Variants in ZFHX3 observed in about 807,000 individuals in gnomAD.
The protein encoded by ZFHX3 is zinc finger homeobox protein 3.
A neutral mutation model predicts 279.1 loss-of-function variants in ZFHX3; 42 were observed. The ratio of observed to expected loss-of-function variants is 0.15; its 90% CI spans 0.12 to 0.19. The LOEUF is 0.19. ZFHX3 is among the 10% of genes least tolerant of loss of function. The pLI, the probability that ZFHX3 is intolerant of heterozygous loss-of-function variation, is 1.00. For synonymous variants in ZFHX3, 2,293 were observed against 1,957.8 expected (o/e 1.17, Z -4.52); for missense variants, 4,981 against 4,754.0 (o/e 1.05, Z -1.40).
At chr16:73,269,152 C>T (rs181866385) in intron 4 of ZFHX3, among the ~76,000 whole-genome samples, 372 of 152,212 alleles carry the variant, frequency 2.4e-3, no homozygotes, top group African/African-American at 8.5e-3. Flanking sequence ...TGTGCTTTTT[C>T]CTTTTAAAGT....
At chr16:72,842,017 G>A (rs1193746055) in intron 4 of ZFHX3, among the ~76,000 whole-genome samples, 1 of 152,178 alleles carries the variant, frequency 6.6e-6, no homozygotes, top group Admixed American at 6.5e-5. Context: ...GTGACAAAGA[G>A]TTGGTACTTG....
chr16:73,509,521 CT>C lies in ZFHX3; in HGVS notation c.-1546-53264del, dbSNP rs531436437. Among the ~76,000 whole-genome samples the C allele has an allele frequency of 3.7e-3, 380 of 102,968 alleles. 2 individuals carry two copies. Among genetic ancestry groups the C allele is most frequent in the South Asian group, 0.035 (94 of 2,648 alleles). The allele number at this position is 102,968 out of a possible 152,430, so 67.6% of individuals were successfully genotyped here. A position where few individuals can be genotyped will look rare whatever the true frequency, so the allele number is the denominator to read the frequency against. On this transcript the variant is annotated intron_variant, in intron 2 of 17. Transcript: ENST00000641206. ...GACAGTTTAGCTTTCTTTCCCTCTC[CT>C]TTTTTTTTTTTTTTTTTTTTTTGAG...
chr16:73,861,816 G>A (rs1394270242), intron 1 of ZFHX3, among the ~76,000 whole-genome samples: 4 of 152,136 alleles, frequency 2.6e-5, no homozygotes. Flanking sequence ...TTGGTTCTCT[G>A]TACCTTTTTC....
intron 1 of ZFHX3, among the ~76,000 whole-genome samples, chr16:73,835,409 C>T (rs963790180): frequency 6.6e-6 from 1 of 151,396 alleles, no homozygotes; most frequent in Non-Finnish European, 1.5e-5. Context: ...CCCACCTTTC[C>T]CCACCATCCC....
chr16:73,776,706 T>G (rs1373591829), intron 1 of ZFHX3, among the ~76,000 whole-genome samples: 1 of 152,152 alleles, frequency 6.6e-6, no homozygotes, highest in Non-Finnish European at 1.5e-5. Context: ...CTCTCACCTC[T>G]GAACTGAATG....
At chr16:73,298,651 A>T (rs1320024350) in intron 4 of ZFHX3, among the ~76,000 whole-genome samples, 1 of 152,152 alleles carries the variant, frequency 6.6e-6, no homozygotes, top group East Asian at 1.9e-4. Context: ...GATGCTCTTA[A>T]CTGTGAGGCC....
intron 2 of ZFHX3, among the ~76,000 whole-genome samples, chr16:73,672,336 A>G (rs1468070409): frequency 6.6e-6 from 1 of 152,230 alleles, no homozygotes; most frequent in Non-Finnish European, 1.5e-5. Flanking sequence ...ATGAAATCAA[A>G]TGATCTGAAG....
chr16:72,945,076 CCAGAGTGACCCACA>C (rs765218719), intron 3 of ZFHX3, among the ~76,000 whole-genome samples: 28 of 151,994 alleles, frequency 1.8e-4, no homozygotes, highest in Non-Finnish European at 3.5e-4. Flanking sequence ...AATGCTCTAA[CCAGAGTGACCCACA>C]CAAAGCTTGT....
intron 3 of ZFHX3, among the ~76,000 whole-genome samples, chr16:72,936,780 T>C (rs1257350069): frequency 1.3e-5 from 2 of 152,146 alleles, no homozygotes; most frequent in Admixed American, 1.3e-4. Context: ...AAAGCCTTTG[T>C]GGGGTCTTTG....
chr16:73,580,957 C>A (rs1339624103), intron 2 of ZFHX3, among the ~76,000 whole-genome samples: 1 of 151,792 alleles, frequency 6.6e-6, no homozygotes, highest in Non-Finnish European at 1.5e-5. Context: ...CCCAGTCAGC[C>A]TTTTCAGAAG....
At chr16:73,041,235 C>G (rs2144701883) in intron 1 of ZFHX3, among the ~76,000 whole-genome samples, 1 of 152,240 alleles carries the variant, frequency 6.6e-6, no homozygotes, top group East Asian at 1.9e-4. Context: ...CCTCTGTCAC[C>G]CAATTTTTCC....
chr16:73,891,889 G>A (rs1375954028), upstream of ZFHX3: 1 of 152,128 alleles, frequency 6.6e-6, no homozygotes, highest in African/African-American at 2.4e-5. Context: ...CAGGGGGAGG[G>A]AAGAAAGGAG....
chr16:72,887,639 G>A (rs953959997), intron 4 of ZFHX3, among the ~76,000 whole-genome samples: 1 of 149,980 alleles, frequency 6.7e-6, no homozygotes, highest in African/African-American at 2.5e-5. Context: ...AGTGTGTGTG[G>A]GGTGTGTGGG....
In ZFHX3 at chr16:73,371,499, TA is replaced by T. The variant is rs1411211120; in HGVS notation, c.-1290-53164del. Among the ~76,000 whole-genome samples the T allele has an allele frequency of 6.0e-5, 9 of 151,240 alleles. No homozygotes were observed. The East Asian group carries it at 1.8e-3, about 30-fold the overall frequency. ...TCCTGCCAACCTCCAATTTTACAGG[TA>T]AAAAAACCGAGTACCAGGTAAGTTA... On this transcript the variant is annotated intron_variant, in intron 3 of 17. Transcript: ENST00000641206.
chr16:73,563,169 GTTGTGTGT>G (rs2020397427), intron 2 of ZFHX3, among the ~76,000 whole-genome samples: 2 of 108,912 alleles, frequency 1.8e-5, no homozygotes, highest in South Asian at 6.8e-4. Context: ...TTTTTGTTTT[GTTGTGTGT>G]GTGTGTGTGT....
chr16:73,198,267 C>T (rs536411256), intron 5 of ZFHX3, among the ~76,000 whole-genome samples: 5 of 151,434 alleles, frequency 3.3e-5, no homozygotes, highest in South Asian at 2.1e-4. Flanking sequence ...ATCATGTCAC[C>T]GTTATCACAA....
At chr16:73,350,662 C>T (rs1411551393) in intron 3 of ZFHX3, among the ~76,000 whole-genome samples, 1 of 152,228 alleles carries the variant, frequency 6.6e-6, no homozygotes, top group Non-Finnish European at 1.5e-5. Context: ...TTTCACTCAT[C>T]ACTTCTCCTG....
At chr16:73,132,974 C>A (rs1394504808) in intron 6 of ZFHX3, among the ~76,000 whole-genome samples, 2 of 152,164 alleles carry the variant, frequency 1.3e-5, no homozygotes, top group Non-Finnish European at 2.9e-5. Context: ...ATATGGATCA[C>A]CAAAGAGTGC....
chr16:72,867,666 C>A (rs945409922), intron 4 of ZFHX3, among the ~76,000 whole-genome samples: 1 of 151,914 alleles, frequency 6.6e-6, no homozygotes, highest in East Asian at 1.9e-4. Context: ...CATTTCCTGT[C>A]AAGTTTCTAG....
Sources: allele counts gnomAD v4.1 joint callset (sites outside exome capture counted in the v4.1 genomes callset), GRCh38; gene constraint gnomAD v4.1.1; transcripts MANE v1.5; gene names NCBI Gene and HGNC (gene_info 2026-07-23, HGNC 2026-07-21).